ARAP2: variants seen among roughly 807,000 people sequenced by gnomAD.
ARAP2 encodes the protein arf-GAP with Rho-GAP domain, ANK repeat and PH domain-containing protein 2.
Under a neutral mutation model 194.5 loss-of-function variants are expected in ARAP2, and 148 were observed. That is an observed-to-expected ratio of 0.76 (90% CI 0.67 to 0.87). The LOEUF (loss-of-function observed/expected upper bound fraction) is 0.87, where lower values mean the gene tolerates loss of function less well. ARAP2 is among the 40% of genes least tolerant of loss of function. The probability of loss-of-function intolerance (pLI) is 0.00; values close to 1 mark genes in which losing one functional copy is unlikely to be tolerated. For synonymous variants in ARAP2, 695 were observed against 683.5 expected, an observed-to-expected ratio of 1.02 and a Z score of -0.26; for missense variants, 2,128 against 1,989.7, an observed-to-expected ratio of 1.07 and a Z score of -1.32.
rs376907114 is a variant in ARAP2, at chr4:36,148,506, G to A, written c.2899C>T (p.Pro967Ser). ...AAGTAGATCTCAAAGATAAAGATGG[G>A]CCTAAAACATGCACAAATAAAAAGA... is the stretch of plus-strand genomic sequence containing the variant. Reference protein sequence around the residue: ...HKEDFYLNTGPIFIFEIYLPS... With the variant: ...HKEDFYLNTGSIFIFEIYLPS... Residue 967 changes from proline (P) to serine (S), a missense_variant and splice_region_variant, in exon 17 of 33, where the codon CCC becomes TCC. Pro to Ser is a moderately conservative substitution (Grantham distance 74). Coordinates refer to ENST00000303965, the MANE Select transcript of ARAP2 (RefSeq NM_015230.4). The A allele has an allele frequency of 2.5e-6, 4 of 1,609,582 alleles. No homozygotes were observed. Among genetic ancestry groups the A allele is most frequent in the Non-Finnish European group, 3.4e-6 (4 of 1,176,874 alleles).
At chr4:36,191,493 T>C (rs1741895007) in intron 7 of ARAP2, among the ~76,000 whole-genome samples, 1 of 151,316 alleles carries the variant, frequency 6.6e-6, no homozygotes, top group African/African-American at 2.4e-5. Flanking sequence ...CCTCAGAATG[T>C]TGTAGTTTAT....
At chr4:36,192,534 T>C (rs1742154549) in intron 7 of ARAP2, among the ~76,000 whole-genome samples, 1 of 152,050 alleles carries the variant, frequency 6.6e-6, no homozygotes, top group Non-Finnish European at 1.5e-5. Flanking sequence ...CACTCCTGAG[T>C]AGTTTTCCTC....
At chr4:36,178,202 T>C (rs1738420255) in intron 8 of ARAP2, among the ~76,000 whole-genome samples, 197 bp from the exon 9 acceptor site, 1 of 152,184 alleles carries the variant, frequency 6.6e-6, no homozygotes, top group Admixed American at 6.5e-5. Context: ...CCAGTTGTCT[T>C]GAAATCAGTT....
intron 21 of ARAP2, 67 bp from the exon 22 acceptor site, chr4:36,125,034 G>T: frequency 2.9e-6 from 3 of 1,041,784 alleles, no homozygotes; most frequent in Non-Finnish European, 4.4e-6. Flanking sequence ...TTGTCTATCA[G>T]CAGTATTGTA....
intron 1 of ARAP2, among the ~76,000 whole-genome samples, chr4:36,239,448 C>G (rs1050865451): frequency 1.3e-5 from 2 of 152,004 alleles, no homozygotes; most frequent in African/African-American, 2.4e-5. Flanking sequence ...TACTAAGCAG[C>G]CTTAAAAAGG....
intron 31 of ARAP2, 160 bp from the exon 32 acceptor site, chr4:36,073,983 G>T (rs548015596): frequency 2.2e-6 from 2 of 918,380 alleles, no homozygotes; most frequent in Non-Finnish European, 3.2e-6. Context: ...TGGCAGCATC[G>T]CTCCAGGACA....
At chr4:36,152,050 T>C (rs946409529) in intron 15 of ARAP2, among the ~76,000 whole-genome samples, 1 of 152,026 alleles carries the variant, frequency 6.6e-6, no homozygotes, top group South Asian at 2.1e-4. Context: ...GGGGGTGACA[T>C]GAAAGAAAAT....
chr4:36,209,834 T>C (rs1174393830), intron 6 of ARAP2, among the ~76,000 whole-genome samples: 1 of 152,216 alleles, frequency 6.6e-6, no homozygotes, highest in Non-Finnish European at 1.5e-5. Context: ...AGTTTCTTTG[T>C]AAACATTTGT....
intron 27 of ARAP2, among the ~76,000 whole-genome samples, chr4:36,098,506 T>C (rs1715957640): frequency 6.6e-6 from 1 of 152,028 alleles, no homozygotes; most frequent in South Asian, 2.1e-4. Context: ...GATTAAAGCC[T>C]TACCTTCCTA....
chr4:36,170,989 CAA>C (rs1736485523), intron 9 of ARAP2, among the ~76,000 whole-genome samples: 1 of 151,892 alleles, frequency 6.6e-6, no homozygotes, highest in Non-Finnish European at 1.5e-5. Flanking sequence ...ATCCAACCCA[CAA>C]GAGAGAGTTG....
At chr4:36,177,584 T>C (rs1037318711) in intron 9 of ARAP2, among the ~76,000 whole-genome samples, 4 of 152,168 alleles carry the variant, frequency 2.6e-5, no homozygotes, top group Non-Finnish European at 5.9e-5. Flanking sequence ...TTATTTTCAA[T>C]AATTTTACTT....
At chr4:36,024,233 C>T (rs1717513011) in intron 5 of ARAP2, among the ~76,000 whole-genome samples, 1 of 152,104 alleles carries the variant, frequency 6.6e-6, no homozygotes, top group Non-Finnish European at 1.5e-5. Context: ...AAAAGTTGAT[C>T]AAGTCACAAC....
In ARAP2 at chr4:36,207,004, T is replaced by G. The variant is rs118158055; in HGVS notation, c.1487+3386A>C. ...TGAACGCACAAACATCCTTAGAAAA[T>G]AGTAATGTAAAAATTCAAAAAGGTT... On this transcript the variant is annotated intron_variant, in intron 6 of 32. Coordinates refer to ENST00000303965, the MANE Select transcript of ARAP2 (RefSeq NM_015230.4). 2.6e-4 allele frequency among the ~76,000 whole-genome samples: 39 copies of G among 152,332 alleles called. 1 individual carries two copies. The East Asian group carries it at 7.5e-3, about 29-fold the overall frequency.
At position 36,128,712 on chromosome 4, in the gene ARAP2, C is replaced by A; in HGVS notation, c.3461G>T (p.Gly1154Val). 1 of 1,611,518 alleles carries A rather than the reference C, an allele frequency of 6.2e-7. No homozygotes were observed. The change falls in exon 21 of 33, where the codon GGT becomes GTT. Residue 1154 changes from glycine (G) to valine (V), a missense_variant. Transcript: ENST00000303965. ...LGCKYIYQKN[G>V]DPLHISELLE... The stretch of plus-strand genomic sequence containing the variant: ...GAGTTCACTTATATGCAAAGGATCA[C>A]CATTCTTTTGATAGATATATTTGCA...
intron 24 of ARAP2, 85 bp downstream of exon 24, chr4:36,119,565 G>C: frequency 2.2e-6 from 2 of 927,694 alleles, no homozygotes; most frequent in Non-Finnish European, 3.1e-6. Context: ...ATAGGAACTT[G>C]AAAATACACA....
chr4:36,179,601 G>T (rs924918408), intron 8 of ARAP2, among the ~76,000 whole-genome samples: 5 of 152,182 alleles, frequency 3.3e-5, no homozygotes, highest in African/African-American at 9.7e-5. Context: ...CAGAACATAT[G>T]GAGAAGTAGT....
intron 32 of ARAP2, among the ~76,000 whole-genome samples, chr4:36,069,525 G>A (rs986586508): frequency 6.6e-6 from 1 of 151,930 alleles, no homozygotes; most frequent in African/African-American, 2.4e-5. Context: ...ACAAGACAGG[G>A]TTTATAAACA....
At chr4:36,172,793 A>T (rs1210116431) in intron 9 of ARAP2, among the ~76,000 whole-genome samples, 1 of 152,216 alleles carries the variant, frequency 6.6e-6, no homozygotes, top group Non-Finnish European at 1.5e-5. Context: ...TGTTGAAAAC[A>T]GATGTGGCAT....
intron 3 of ARAP2, among the ~76,000 whole-genome samples, chr4:36,051,352 G>C (rs565007406): frequency 8.0e-4 from 122 of 152,108 alleles, no homozygotes; most frequent in African/African-American, 2.8e-3. Context: ...GGTGGCGGGC[G>C]CCTGTTGCCA....
Sources: allele counts gnomAD v4.1 joint callset (sites outside exome capture counted in the v4.1 genomes callset), GRCh38; gene constraint gnomAD v4.1.1; transcripts MANE v1.5; gene names NCBI Gene and HGNC (gene_info 2026-07-23, HGNC 2026-07-21).